The following HEXB variants were observed in gnomAD, a reference collection of about 807,000 sequenced individuals.
The protein encoded by HEXB is hexosaminidase subunit beta.
In HEXB, 51 loss-of-function variants were observed where a neutral mutation model predicts 71.2. That is an observed-to-expected ratio of 0.72 (90% confidence interval 0.57 to 0.90). HEXB has a LOEUF of 0.90. Among genes scored for constraint, HEXB ranks in the 40% least tolerant of loss-of-function variants. The pLI is 0.00. For synonymous variants in HEXB, 266 were observed against 249.3 expected, an observed-to-expected ratio of 1.07 and a Z score of -0.63; for missense variants, 617 against 677.0, an observed-to-expected ratio of 0.91 and a Z score of 0.98.
upstream of HEXB, among the ~76,000 whole-genome samples, chr5:74,684,975 C>A (rs1748821176): frequency 6.6e-6 from 1 of 152,198 alleles, no homozygotes; most frequent in African/African-American, 2.4e-5. Context: ...CCACGTACGG[C>A]CAGCACCGGG....
chr5:74,660,841 G>C (rs966976096), intron 1 of HEXB, among the ~76,000 whole-genome samples: 2 of 152,166 alleles, frequency 1.3e-5, no homozygotes, highest in Non-Finnish European at 2.9e-5. Flanking sequence ...ATTGCCATTC[G>C]AGAAGAACCA....
intron 1 of HEXB, among the ~76,000 whole-genome samples, chr5:74,687,512 A>G (rs1748901104): frequency 6.6e-6 from 1 of 152,120 alleles, no homozygotes; most frequent in African/African-American, 2.4e-5. Flanking sequence ...AAATAAACAA[A>G]TAGCTTCACT....
upstream of HEXB, among the ~76,000 whole-genome samples, chr5:74,682,899 A>T (rs1748765491): frequency 6.6e-6 from 1 of 152,242 alleles, no homozygotes; most frequent in Non-Finnish European, 1.5e-5. Context: ...AGGAAAGCAT[A>T]ACAGATTTAT....
At chr5:74,659,873 T>G (rs1748287683) in intron 1 of HEXB, among the ~76,000 whole-genome samples, 2 of 152,148 alleles carry the variant, frequency 1.3e-5, no homozygotes, top group Admixed American at 1.3e-4. Context: ...GTATCATACT[T>G]CTGAAGTCAA....
At chr5:74,721,089 T>A (rs1450100160) in intron 13 of HEXB, 29 bp from the exon 14 acceptor site, 7 of 1,545,432 alleles carry the variant, frequency 4.5e-6, no homozygotes, top group Non-Finnish European at 6.3e-6. Context: ...TAAATCAATC[T>A]AAAATATCTT....
At chr5:74,647,740 G>A (rs1278502223) in intron 1 of HEXB, among the ~76,000 whole-genome samples, 1 of 152,168 alleles carries the variant, frequency 6.6e-6, no homozygotes, top group East Asian at 1.9e-4. Context: ...GGAGGAAATG[G>A]TAACTTTTTA....
At chr5:74,662,148 C>A (rs1044297336) in intron 1 of HEXB, among the ~76,000 whole-genome samples, 5 of 151,808 alleles carry the variant, frequency 3.3e-5, no homozygotes, top group African/African-American at 4.9e-5. Flanking sequence ...CCAGAGAAAA[C>A]CACCATGATT....
chr5:74,721,112 C>T lies in HEXB; in HGVS notation c.1614-6C>T, dbSNP rs775884451. 3.7e-6 allele frequency: 6 copies of T among 1,602,744 alleles called. No homozygotes were observed. The highest frequency in any genetic ancestry group is 5.1e-6 in the Non-Finnish European group (6 of 1,169,886). ...TCTAAAATATCTTTATTCATGTTAT[C>T]TACAGACGTGGAATAGCTGCACAAC... On this transcript the variant is annotated splice_polypyrimidine_tract_variant and splice_region_variant and intron_variant, in intron 13 of 13. Transcript: ENST00000261416.
upstream of HEXB, chr5:74,685,098 C>T (rs911066590): frequency 6.8e-6 from 5 of 737,390 alleles, no homozygotes; most frequent in Admixed American, 3.7e-5. Flanking sequence ...GCGGGCTGGG[C>T]GAGGACGCTC....
At chr5:74,658,415 T>A (rs1748258609) in intron 1 of HEXB, among the ~76,000 whole-genome samples, 2 of 152,154 alleles carry the variant, frequency 1.3e-5, no homozygotes, top group South Asian at 4.1e-4. Context: ...GCTTTCTTTG[T>A]TTAGGGCAGG....
intron 1 of HEXB, among the ~76,000 whole-genome samples, chr5:74,665,165 T>C (rs1748410684): frequency 6.6e-6 from 1 of 152,178 alleles, no homozygotes; most frequent in African/African-American, 2.4e-5. Flanking sequence ...TCCAGACTCA[T>C]AACTTAAGAG....
intron 1 of HEXB, among the ~76,000 whole-genome samples, chr5:74,651,825 G>A (rs1197480382): frequency 6.6e-6 from 1 of 152,204 alleles, no homozygotes; most frequent in Non-Finnish European, 1.5e-5. Flanking sequence ...CTGCTCCTGG[G>A]TGATTAATTG....
intron 1 of HEXB, among the ~76,000 whole-genome samples, chr5:74,655,060 G>A (rs1416969326): frequency 6.6e-6 from 1 of 152,100 alleles, no homozygotes; most frequent in African/African-American, 2.4e-5. Context: ...GAGCAGGTGA[G>A]CCCCCCAAGA....
At chr5:74,698,940 T>C (rs936828673) in intron 5 of HEXB, among the ~76,000 whole-genome samples, 8 of 152,024 alleles carry the variant, frequency 5.3e-5, no homozygotes, top group African/African-American at 1.9e-4. Flanking sequence ...ATCCCAGCAC[T>C]TTGGGAGGTG....
Position 74,705,278 on chromosome 5 carries a change from T to C in HEXB, c.729T>C (p.Ser243=). 1.2e-6 allele frequency: 2 copies of C among 1,611,438 alleles called. No individual in the cohort carries two copies. Among genetic ancestry groups the C allele is most frequent in the Non-Finnish European group, 1.7e-6 (2 of 1,177,636 alleles). The change falls in exon 6 of 14, where the codon TCT becomes TCC. Residue 243 remains serine, a synonymous_variant. Transcript: ENST00000261416. ...ACTGGCACATAGTTGATGACCAGTC[T>C]TTCCCATATCAGAGCATCACTTTTC... The part of the protein sequence containing the change: ...VLHWHIVDDQ[S]FPYQSITFPE...
At chr5:74,655,189 A>T (rs1312701902) in intron 1 of HEXB, among the ~76,000 whole-genome samples, 3 of 152,188 alleles carry the variant, frequency 2.0e-5, no homozygotes, top group Non-Finnish European at 4.4e-5. Flanking sequence ...AGAAAGGGAT[A>T]GAAAATGACA....
chr5:74,685,140 G>A (rs1328509198), upstream of HEXB: 8 of 922,394 alleles, frequency 8.7e-6, no homozygotes, highest in Admixed American at 3.2e-4. Flanking sequence ...GGGGGCGGGC[G>A]CGCGCAGTCA....
At chr5:74,683,772 T>C (rs113070938), upstream of HEXB, among the ~76,000 whole-genome samples, 2 of 151,946 alleles carry the variant, frequency 1.3e-5, no homozygotes. Flanking sequence ...GTGCCACACT[T>C]TGGGGTCTCA....
upstream of HEXB, among the ~76,000 whole-genome samples, chr5:74,683,495 G>C (rs1748777681): frequency 6.6e-6 from 1 of 152,104 alleles, no homozygotes. Flanking sequence ...GTAGAGATGA[G>C]GTTTCACCAT....
Sources: gnomAD v4.1 joint callset for allele counts (sites outside exome capture counted in the v4.1 genomes callset) on GRCh38, gnomAD v4.1.1 for gene constraint, MANE v1.5 for transcripts, NCBI Gene and HGNC (gene_info 2026-07-23, HGNC 2026-07-21) for gene names.